C2orf49: variants seen among roughly 807,000 people sequenced by gnomAD.
C2orf49 encodes tRNA splicing ligase complex subunit 2.
C2orf49 carries 11 observed loss-of-function variants against 20.6 expected under a neutral mutation model. The observed-to-expected ratio is 0.53, with a 90% CI of 0.34 to 0.88. The LOEUF is 0.88. Among genes scored for constraint, C2orf49 ranks in the 40% least tolerant of loss-of-function variants. The probability of loss-of-function intolerance (pLI) is 0.02; values close to 1 mark genes in which losing one functional copy is unlikely to be tolerated. For missense variants in C2orf49, 289 were observed against 274.2 expected, an observed-to-expected ratio of 1.05 and a Z score of -0.38; for synonymous variants, 134 against 108.5, an observed-to-expected ratio of 1.24 and a Z score of -1.46.
At chr2:105,373,331 G>T in the C2orf49 span, among the ~76,000 whole-genome samples, 1 of 152,186 alleles carries the variant, frequency 6.6e-6, no homozygotes, top group African/African-American at 2.4e-5. Context: ...CAATTTGACT[G>T]CATAACACTG....
At chr2:105,384,221 C>T in the C2orf49 span, among the ~76,000 whole-genome samples, 1 of 152,204 alleles carries the variant, frequency 6.6e-6, no homozygotes, top group Non-Finnish European at 1.5e-5. Context: ...TATTTCTTTT[C>T]CAGCTAAAGC....
chr2:105,338,534 C>A (rs1679569681), intron 1 of C2orf49, among the ~76,000 whole-genome samples: 1 of 152,150 alleles, frequency 6.6e-6, no homozygotes, highest in South Asian at 2.1e-4. Flanking sequence ...GGCCCGAAAT[C>A]TTGCATTTTT....
chr2:105,344,471 T>C (rs1177814219), intron 3 of C2orf49, among the ~76,000 whole-genome samples: 1 of 151,982 alleles, frequency 6.6e-6, no homozygotes, highest in Non-Finnish European at 1.5e-5. Flanking sequence ...AGAGAGAGTG[T>C]GAGAGAGCTA....
chr2:105,375,254 T>G, the C2orf49 span: 1 of 152,224 alleles, frequency 6.6e-6, no homozygotes, highest in Admixed American at 6.5e-5. Flanking sequence ...GCGCATTTTG[T>G]TTTAGTTCAA....
At chr2:105,378,128 A>G in the C2orf49 span, 1 of 471,108 alleles carries the variant, frequency 2.1e-6, no homozygotes, top group East Asian at 6.9e-5. Flanking sequence ...CTGCACAGAC[A>G]TGGAAAAGCT....
At chr2:105,369,214 A>G in the C2orf49 span, among the ~76,000 whole-genome samples, 135,596 of 152,214 alleles carry the variant, frequency 0.89, 60,717 homozygotes, top group African/African-American at 0.97. Flanking sequence ...AAGCCGACAG[A>G]GGGACTGCCC....
chr2:105,384,879 C>T, the C2orf49 span, among the ~76,000 whole-genome samples: 55 of 152,272 alleles, frequency 3.6e-4, no homozygotes, highest in Middle Eastern at 0.01. Context: ...GGCCACACAG[C>T]AAGTGAGACA....
At chr2:105,385,869 T>A in the C2orf49 span, 1 of 181,012 alleles carries the variant, frequency 5.5e-6, no homozygotes, top group East Asian at 1.4e-4. Context: ...CCTGTCCTTC[T>A]CTCATTAAAG....
downstream of C2orf49, among the ~76,000 whole-genome samples, chr2:105,352,466 A>G (rs1382757663): frequency 4.7e-5 from 3 of 63,332 alleles, no homozygotes; most frequent in African/African-American, 1.9e-4. Flanking sequence ...TTTTTTTGAG[A>G]TGGAGTCTTG....
chr2:105,344,607 T>G (rs1679762037), intron 3 of C2orf49, among the ~76,000 whole-genome samples: 1 of 152,002 alleles, frequency 6.6e-6, no homozygotes, highest in Non-Finnish European at 1.5e-5. Flanking sequence ...TGAGACAGAG[T>G]CTTGCTCTGT....
At chr2:105,369,549 CT>C in the C2orf49 span, among the ~76,000 whole-genome samples, 1 of 152,154 alleles carries the variant, frequency 6.6e-6, no homozygotes, top group African/African-American at 2.4e-5. Context: ...ACGCAGCGAT[CT>C]TTTAATTCAA....
the C2orf49 span, among the ~76,000 whole-genome samples, chr2:105,384,370 A>T: frequency 6.6e-6 from 1 of 152,194 alleles, no homozygotes; most frequent in Non-Finnish European, 1.5e-5. Flanking sequence ...TCACGAAAAG[A>T]ATAAGGAAGT....
the C2orf49 span, chr2:105,375,459 G>T: frequency 6.6e-6 from 1 of 152,184 alleles, no homozygotes; most frequent in Admixed American, 6.5e-5. Flanking sequence ...CCAACATGGC[G>T]AAACCCTATC....
At chr2:105,338,731 G>A (rs1241889786) in intron 1 of C2orf49, among the ~76,000 whole-genome samples, 1 of 152,166 alleles carries the variant, frequency 6.6e-6, no homozygotes, top group Non-Finnish European at 1.5e-5. Flanking sequence ...GAAGTAAAAT[G>A]TGCTTTTATT....
chr2:105,362,937 A>G, the C2orf49 span: 1 of 256,304 alleles, frequency 3.9e-6, no homozygotes, highest in Non-Finnish European at 7.5e-6. Context: ...ACTTCTAAGA[A>G]CACAGCACAG....
chr2:105,339,845 T>C (rs1246243712), intron 2 of C2orf49, 96 bp downstream of exon 2: 1 of 1,135,340 alleles, frequency 8.8e-7, no homozygotes, highest in Non-Finnish European at 1.2e-6. Flanking sequence ...AGTAAAAAAT[T>C]TATTTACTCA....
the C2orf49 span, among the ~76,000 whole-genome samples, chr2:105,355,770 T>TTGTGTGTG: frequency 5.3e-3 from 758 of 143,188 alleles, 12 homozygotes; most frequent in African/African-American, 0.015. Flanking sequence ...AGAAAAAATT[T>TTGTGTGTG]TGTGTGTGTG....
At chr2:105,369,867 G>T in the C2orf49 span, among the ~76,000 whole-genome samples, 1 of 152,158 alleles carries the variant, frequency 6.6e-6, no homozygotes, top group Non-Finnish European at 1.5e-5. Flanking sequence ...AACTCTACGT[G>T]CAGGGAATGC....
chr2:105,380,761 G>C, the C2orf49 span, among the ~76,000 whole-genome samples: 1 of 151,900 alleles, frequency 6.6e-6, no homozygotes. Flanking sequence ...AATTCCTCTA[G>C]AGAGAAATTG....
Sources: allele counts gnomAD v4.1 joint callset (sites outside exome capture counted in the v4.1 genomes callset), GRCh38; gene constraint gnomAD v4.1.1; transcripts MANE v1.5; gene names NCBI Gene and HGNC (gene_info 2026-07-23, HGNC 2026-07-21).